EBF1: variants seen among roughly 807,000 people sequenced by gnomAD.
EBF1 encodes transcription factor COE1.
Under a neutral mutation model 68.4 loss-of-function variants are expected in EBF1, and 10 were observed. That is an observed-to-expected ratio of 0.15 (90% CI 0.09 to 0.25). The LOEUF (loss-of-function observed/expected upper bound fraction) is 0.25. Ranked by LOEUF, EBF1 falls within the 10% of genes least tolerant of loss-of-function variation. The pLI is 1.00. For missense variants in EBF1, 509 were observed against 794.4 expected, an observed-to-expected ratio of 0.64 and a Z score of 4.32; for synonymous variants, 298 against 299.8, an observed-to-expected ratio of 0.99 and a Z score of 0.06.
At chr5:159,025,359 C>A (rs1456182416) in intron 6 of EBF1, among the ~76,000 whole-genome samples, 6 of 152,154 alleles carry the variant, frequency 3.9e-5, no homozygotes, top group Non-Finnish European at 8.8e-5. Context: ...GTTGATGTGT[C>A]CAAGTAAGCA....
chr5:159,073,342 G>A, intron 6 of EBF1, 54 bp downstream of exon 6: 1 of 1,576,370 alleles, frequency 6.3e-7, no homozygotes, highest in East Asian at 2.2e-5. Flanking sequence ...CACAAGGGCA[G>A]GTGTTTCATT....
intron 9 of EBF1, among the ~76,000 whole-genome samples, chr5:158,786,720 A>T (rs1003085525): frequency 5.9e-5 from 9 of 152,194 alleles, no homozygotes; most frequent in Admixed American, 2.6e-4. Flanking sequence ...TTTGTTTGAA[A>T]ATTAAAATAT....
chr5:158,903,210 G>C (rs934552580), intron 6 of EBF1, among the ~76,000 whole-genome samples: 2 of 152,034 alleles, frequency 1.3e-5, no homozygotes, highest in African/African-American at 4.8e-5. Context: ...CCCTTCCCCG[G>C]GTCAGCTCAT....
intron 6 of EBF1, among the ~76,000 whole-genome samples, chr5:159,050,055 G>T (rs565565092): frequency 6.6e-6 from 1 of 152,252 alleles, no homozygotes; most frequent in Admixed American, 6.5e-5. Context: ...GGAACAGAAA[G>T]CAGGCCTTGG....
At chr5:159,070,593 TA>T (rs377678320) in intron 6 of EBF1, among the ~76,000 whole-genome samples, 1,614 of 152,252 alleles carry the variant, frequency 0.011, 21 homozygotes, top group African/African-American at 0.037. Context: ...TTTTCCTGAA[TA>T]AACCACTGCT....
At chr5:158,743,971 G>T (rs758802731) in intron 10 of EBF1, among the ~76,000 whole-genome samples, 3 of 152,094 alleles carry the variant, frequency 2.0e-5, no homozygotes, top group Non-Finnish European at 2.9e-5. Context: ...AGGAGTTCAA[G>T]ACCAGCCTGG....
chr5:158,747,852 C>T (rs1767938621), intron 10 of EBF1, among the ~76,000 whole-genome samples: 1 of 152,184 alleles, frequency 6.6e-6, no homozygotes, highest in South Asian at 2.1e-4. Context: ...GTACTGTTAT[C>T]ATCACCATTT....
At chr5:158,973,002 A>T (rs1185635935) in intron 6 of EBF1, among the ~76,000 whole-genome samples, 1 of 152,234 alleles carries the variant, frequency 6.6e-6, no homozygotes, top group Non-Finnish European at 1.5e-5. Context: ...TGTATTTAAA[A>T]TGACAACTTC....
At position 158,712,141 on chromosome 5, in the gene EBF1, C is replaced by T. The variant is rs1259019539; in HGVS notation, c.1549+13G>A. 1 of 1,613,178 alleles carries T rather than the reference C, an allele frequency of 6.2e-7. No homozygotes were observed. Among genetic ancestry groups the T allele is most frequent in the Non-Finnish European group, 8.5e-7 (1 of 1,179,670 alleles). ...GAAACGTGCAGGAACGCAGGATATG[C>T]ATCTCTACTTACTGGCATAGGGGGA... On this transcript the variant is annotated intron_variant, in intron 14 of 15. Transcript: ENST00000313708.
At chr5:159,042,086 G>A (rs922977718) in intron 6 of EBF1, among the ~76,000 whole-genome samples, 3 of 152,162 alleles carry the variant, frequency 2.0e-5, no homozygotes, top group Non-Finnish European at 2.9e-5. Flanking sequence ...GTAATTGGAA[G>A]GGAACTTTTT....
intron 6 of EBF1, among the ~76,000 whole-genome samples, chr5:158,855,580 T>C (rs996320498): frequency 1.3e-5 from 2 of 152,178 alleles, no homozygotes; most frequent in African/African-American, 4.8e-5. Context: ...AGATGTCATC[T>C]CCCCAGGAAT....
intron 6 of EBF1, among the ~76,000 whole-genome samples, chr5:159,067,896 C>T (rs897053341): frequency 2.6e-5 from 4 of 152,108 alleles, no homozygotes; most frequent in African/African-American, 4.8e-5. Context: ...AATAATTATC[C>T]TGCCTAGGGC....
chr5:158,769,717 T>C (rs926784054), intron 10 of EBF1, among the ~76,000 whole-genome samples: 4 of 151,864 alleles, frequency 2.6e-5, no homozygotes, highest in Non-Finnish European at 4.4e-5. Context: ...AAAAATCATA[T>C]GTTGTGGAAC....
In EBF1 at chr5:158,971,698, C is replaced by T. The variant is rs546047604; in HGVS notation, c.554+101698G>A. On this transcript the variant is annotated intron_variant, in intron 6 of 15. Coordinates refer to ENST00000313708, the MANE Select transcript of EBF1 (RefSeq NM_024007.5). ...AAAAACATCACAAGCAGTCCCAAAG[C>T]ATGAAGAGGTCTAAATATAAGAAGA... is the stretch of plus-strand genomic sequence containing the variant. Among the ~76,000 whole-genome samples, 5 of 152,258 alleles carry T rather than the reference C, an allele frequency of 3.3e-5. No individual in the cohort carries two copies. In the South Asian group the frequency reaches 6.2e-4, roughly 19 times the overall value.
At chr5:158,984,513 G>T (rs1449791486) in intron 6 of EBF1, among the ~76,000 whole-genome samples, 1 of 152,046 alleles carries the variant, frequency 6.6e-6, no homozygotes, top group Non-Finnish European at 1.5e-5. Flanking sequence ...GAATCACATA[G>T]TAAGAGTGCC....
intron 7 of EBF1, among the ~76,000 whole-genome samples, chr5:158,834,011 C>G (rs374273947): frequency 1.8e-3 from 270 of 152,138 alleles, no homozygotes; most frequent in African/African-American, 6.1e-3. Flanking sequence ...AATATTTATA[C>G]GTGAATATAG....
At chr5:158,817,664 GGCATAAATGAGATT>G (rs1255387050) in intron 8 of EBF1, among the ~76,000 whole-genome samples, 3 of 152,154 alleles carry the variant, frequency 2.0e-5, no homozygotes, top group Admixed American at 2.0e-4. Context: ...CTTCGGTTTT[GGCATAAATGAGATT>G]TCCTGAAACA....
chr5:159,066,273 T>C (rs1776782434), intron 6 of EBF1, among the ~76,000 whole-genome samples: 1 of 152,236 alleles, frequency 6.6e-6, no homozygotes, highest in South Asian at 2.1e-4. Context: ...GTTAGCAGGA[T>C]GGTATAGTTA....
chr5:158,782,295 A>G (rs1315775897), intron 9 of EBF1, among the ~76,000 whole-genome samples: 1 of 152,190 alleles, frequency 6.6e-6, no homozygotes, highest in Non-Finnish European at 1.5e-5. Flanking sequence ...ATAGTGTCCT[A>G]TACATCTTTC....
Sources: allele counts gnomAD v4.1 joint callset (sites outside exome capture counted in the v4.1 genomes callset), GRCh38; gene constraint gnomAD v4.1.1; transcripts MANE v1.5; gene names NCBI Gene and HGNC (gene_info 2026-07-23, HGNC 2026-07-21).